The following DEFA4 variants were observed in gnomAD, a reference collection of about 807,000 sequenced individuals.
The protein encoded by DEFA4 is defensin alpha 4.
Under a neutral mutation model 4.4 loss-of-function variants are expected in DEFA4, and 8 were observed. The observed-to-expected ratio is 1.82, with a 90% confidence interval of 1.07 to 3.29. The LOEUF (loss-of-function observed/expected upper bound fraction) is 3.29, where lower values mean the gene tolerates loss of function less well. Among genes scored for constraint, DEFA4 ranks in the 30% most tolerant of loss-of-function variants. The pLI, the probability that DEFA4 is intolerant of heterozygous loss-of-function variation, is 0.00. For missense variants in DEFA4, 216 were observed against 127.0 expected (o/e 1.70, Z -3.37); for synonymous variants, 77 against 46.5 (o/e 1.66, Z -2.67).
chr8:6,937,994 T>C (rs1000485794), intron 1 of DEFA4, among the ~76,000 whole-genome samples: 2 of 152,186 alleles, frequency 1.3e-5, no homozygotes, highest in African/African-American at 4.8e-5. Flanking sequence ...ATCGTCTTTA[T>C]TGGACATGTC....
In DEFA4 at chr8:6,936,028, C is replaced by A; in HGVS notation, c.286G>T (p.Val96Phe). The change falls in exon 3 of 3, where the codon GTC (valine) becomes TTC (phenylalanine). Residue 96 changes from valine to phenylalanine, a missense_variant. Physicochemically the swap from Val to Phe is conservative, Grantham distance 50. Transcript: ENST00000297435. ...TCTTGGACAGCAGAACGTTAATCGA[C>A]ACGCGTGCAGCAGTATGTGAAACTC... ...GVSFTYCCTRVD is the reference protein window; with the variant it reads ...GVSFTYCCTRFD 6.2e-7 allele frequency: 1 copy of A among 1,613,888 alleles called. No individual in the cohort carries two copies. The highest frequency in any genetic ancestry group is 2.2e-5 in the East Asian group (1 of 44,884).
At chr8:6,936,644 A>C in intron 2 of DEFA4, 84 bp downstream of exon 2, 1 of 1,373,208 alleles carries the variant, frequency 7.3e-7, no homozygotes, top group Non-Finnish European at 9.7e-7. Context: ...CCTAAGTGAC[A>C]TCCACCATTG....
chr8:6,937,546 C>T (rs1298010499), intron 1 of DEFA4, among the ~76,000 whole-genome samples: 4 of 151,662 alleles, frequency 2.6e-5, no homozygotes, highest in African/African-American at 4.9e-5. Context: ...TAGGTGCATA[C>T]ACGTGGTCCT....
Position 6,935,988 on chromosome 8 carries a change from C to G in DEFA4, c.*32G>C, listed in dbSNP as rs768442361. 3.1e-6 allele frequency: 5 copies of G among 1,612,208 alleles called. 1 individual carries two copies. In the Admixed American group the frequency reaches 6.7e-5, roughly 21 times the overall value. On this transcript the variant is annotated 3_prime_UTR_variant, in exon 3 of 3. Transcript: ENST00000297435. The stretch of plus-strand genomic sequence containing the variant: ...AGCTAACACCACCGATGATGGCGTT[C>G]CCAGCATGACATTCTCTTGGACAGC...
chr8:6,936,340 C>T (rs777368057), intron 2 of DEFA4, among the ~76,000 whole-genome samples, 199 bp from the exon 3 acceptor site: 1 of 152,168 alleles, frequency 6.6e-6, no homozygotes, highest in Non-Finnish European at 1.5e-5. Flanking sequence ...TTCTCTTTTG[C>T]TCTGATTTGT....
At position 6,936,777 on chromosome 8, in the gene DEFA4, G is replaced by C. The variant is rs1293033798; in HGVS notation, c.123C>G (p.Asp41Glu). 2.5e-6 allele frequency: 4 copies of C among 1,613,492 alleles called. No individual in the cohort carries two copies. The East Asian group carries it at 6.7e-5, about 27-fold the overall frequency. Residue 41 changes from aspartate (D) to glutamate (E), a missense_variant, in exon 2 of 3, where the codon GAC (aspartate) becomes GAG (glutamate). Coordinates refer to ENST00000297435, the MANE Select transcript of DEFA4 (RefSeq NM_001925.3). Reference protein sequence around the residue: ...GQEQRGPEDQDISISFAWDKS... With the variant: ...GQEQRGPEDQEISISFAWDKS... ...TATCCCATGCAAAGGAAATAGATAT[G>C]TCCTGGTCTTCTGGCCCACGCTGCT...
At chr8:6,936,696 C>T (rs755014944) in intron 2 of DEFA4, 32 bp downstream of exon 2, 1 of 1,556,976 alleles carries the variant, frequency 6.4e-7, no homozygotes, top group Non-Finnish European at 8.7e-7. Flanking sequence ...TCTCTCTAGA[C>T]TCGGTAGCTT....
At chr8:6,937,287 A>G (rs567977389) in intron 1 of DEFA4, among the ~76,000 whole-genome samples, 61 of 152,298 alleles carry the variant, frequency 4.0e-4, no homozygotes, top group African/African-American at 1.4e-3. Context: ...AATGCCTCTT[A>G]TTTCCTGATA....
rs736227 is a variant in DEFA4 at position 6,936,018 on chromosome 8, C to T, written c.*2G>A. 1,077,383 of 1,613,382 alleles carry T rather than the reference C, an allele frequency of 0.67. 362,715 individuals are homozygous for T. Among genetic ancestry groups the T allele is most frequent in the African/African-American group, 0.71 (53,489 of 74,938 alleles). On this transcript the variant is annotated 3_prime_UTR_variant, in exon 3 of 3. Transcript: ENST00000297435. ...CATGACATTCTCTTGGACAGCAGAA[C>T]GTTAATCGACACGCGTGCAGCAGTA... is the stretch of plus-strand genomic sequence containing the variant.
rs559546450 is a variant in DEFA4 at position 6,936,031 on chromosome 8, G to A, written c.283C>T (p.Arg95Cys). The A allele has an allele frequency of 1.5e-4, 238 of 1,613,840 alleles. 1 individual carries two copies. The Middle Eastern group carries it at 1.7e-3, about 11-fold the overall frequency. ...TGGACAGCAGAACGTTAATCGACACGCGTGCAGCAGTATGTGAAACTCACA... is the reference window on the plus strand; with the variant it reads ...TGGACAGCAGAACGTTAATCGACACACGTGCAGCAGTATGTGAAACTCACA... ...GGVSFTYCCT[R>C]VD is the part of the protein sequence containing the mutation. Residue 95 changes from arginine to cysteine, a missense_variant, in exon 3 of 3, where the codon CGT becomes TGT. Transcript: ENST00000297435.
chr8:6,936,943 G>A, intron 1 of DEFA4, 32 bp from the exon 2 acceptor site: 1 of 1,487,756 alleles, frequency 6.7e-7, no homozygotes, highest in Non-Finnish European at 9.0e-7. Flanking sequence ...CAGCTGTGTG[G>A]GGAGGGAGAA....
chr8:6,935,827 T>G lies in DEFA4; in HGVS notation c.*193A>C, dbSNP rs541044947. On this transcript the variant is annotated 3_prime_UTR_variant, in exon 3 of 3. Transcript: ENST00000297435. ...AAGAGGTGTAAACAAAGACATCTTG[T>G]TACGAGATATATATTTAGGATCAAG... is the stretch of plus-strand genomic sequence containing the variant. 5.3e-5 allele frequency: 36 copies of G among 682,544 alleles called. No individual in the cohort carries two copies. The African/African-American group carries it at 6.1e-4, about 12-fold the overall frequency. The allele number at this position is 682,544 out of a possible 1,614,324, so 42.3% of individuals were successfully genotyped here. A position where few individuals can be genotyped will look rare whatever the true frequency, so the allele number is the denominator to read the frequency against.
chr8:6,936,680 C>T (rs374790661), intron 2 of DEFA4, 48 bp downstream of exon 2: 18 of 1,492,822 alleles, frequency 1.2e-5, no homozygotes, highest in East Asian at 9.6e-5. Context: ...GCCCATCTCC[C>T]ATCCGTCTCT....
intron 1 of DEFA4, among the ~76,000 whole-genome samples, chr8:6,937,681 A>C (rs1467556280): frequency 6.6e-6 from 1 of 152,176 alleles, no homozygotes; most frequent in Non-Finnish European, 1.5e-5. Flanking sequence ...CATTGACGTG[A>C]GTAATGATTT....
At position 6,938,298 on chromosome 8, in the gene DEFA4, A is replaced by T. The variant is rs1207333718; in HGVS notation, c.-85T>A. 1 of 152,198 alleles carries T rather than the reference A, an allele frequency of 6.6e-6. No homozygotes were observed. The highest frequency in any genetic ancestry group is 1.5e-5 in the Non-Finnish European group (1 of 68,056). The allele number at this position is 152,198 out of a possible 1,614,324, so 9.4% of individuals were successfully genotyped here. A position where few individuals can be genotyped will look rare whatever the true frequency, so the allele number is the denominator to read the frequency against. ...TGTGTTCCAGGTCTTATGTAGCAAG[A>T]GCAGCCATGCACACAGAGGAGAGGA... On this transcript the variant is annotated 5_prime_UTR_variant, in exon 1 of 3. Coordinates refer to ENST00000297435, the MANE Select transcript of DEFA4 (RefSeq NM_001925.3).
rs61749084 is a variant in DEFA4 at position 6,936,888 on chromosome 8, G to A, written c.12C>T (p.Ile4=). MRI[I]ALLAAILLVA... ...CCAAGAGAATAGCAGCGAGGAGGGC[G>A]ATAATCCTCATGGCTGGGGTGACCT... Residue 4 remains isoleucine (I), a synonymous_variant, in exon 2 of 3, where the codon ATC becomes ATT. Transcript: ENST00000297435. 53 of 1,605,138 alleles carry A rather than the reference G, an allele frequency of 3.3e-5. No homozygotes were observed. Among genetic ancestry groups the A allele is most frequent in the Admixed American group, 2.0e-4 (12 of 59,438 alleles).
chr8:6,936,308 C>G (rs1218159029), intron 2 of DEFA4, among the ~76,000 whole-genome samples, 167 bp from the exon 3 acceptor site: 2 of 152,160 alleles, frequency 1.3e-5, no homozygotes, highest in African/African-American at 4.8e-5. Context: ...AGCAATGCTG[C>G]TCATACAGGA....
intron 1 of DEFA4, among the ~76,000 whole-genome samples, chr8:6,937,982 T>C (rs1808933230): frequency 6.6e-6 from 1 of 152,196 alleles, no homozygotes. Flanking sequence ...TAAGAAGCTG[T>C]GATCGTCTTT....
At chr8:6,937,931 C>A (rs1280640516) in intron 1 of DEFA4, among the ~76,000 whole-genome samples, 1 of 152,112 alleles carries the variant, frequency 6.6e-6, no homozygotes, top group African/African-American at 2.4e-5. Context: ...AAAAACAGAC[C>A]TAGGACCTGC....
Sources: allele counts gnomAD v4.1 joint callset (sites outside exome capture counted in the v4.1 genomes callset), GRCh38; gene constraint gnomAD v4.1.1; transcripts MANE v1.5; gene names NCBI Gene and HGNC (gene_info 2026-07-23, HGNC 2026-07-21).